Variants in HPSE2 observed in about 807,000 individuals in gnomAD.
The protein encoded by HPSE2 is inactive heparanase-2.
Under a neutral mutation model 60.5 loss-of-function variants are expected in HPSE2, and 38 were observed. The observed-to-expected ratio is 0.63, with a 90% CI of 0.48 to 0.82. The LOEUF is 0.82. Ranked by LOEUF, HPSE2 falls within the 40% of genes least tolerant of loss-of-function variation. The probability of loss-of-function intolerance (pLI) is 0.00; values close to 1 mark genes in which losing one functional copy is unlikely to be tolerated. For synonymous variants in HPSE2, 295 were observed against 293.2 expected, an observed-to-expected ratio of 1.01 and a Z score of -0.06; for missense variants, 713 against 740.4, an observed-to-expected ratio of 0.96 and a Z score of 0.43.
At chr10:98,800,391 CATAAAT>C (rs1252417183) in intron 3 of HPSE2, among the ~76,000 whole-genome samples, 5 of 147,048 alleles carry the variant, frequency 3.4e-5, no homozygotes, top group Non-Finnish European at 7.5e-5. Flanking sequence ...AAAATATATA[CATAAAT>C]ATATATTTAT....
rs545432862 is a variant in HPSE2 at position 98,763,114 on chromosome 10, ATAAACT to A, written c.611-19064_611-19059del. ...CAAAAATGACAGAAGAAAAAAATCA[ATAAACT>A]TAAAGATAAAACAGGAGAAATATAC... On this transcript the variant is annotated intron_variant, in intron 3 of 11. Transcript: ENST00000370552. Among the ~76,000 whole-genome samples, 525 of 152,234 alleles carry A rather than the reference ATAAACT, an allele frequency of 3.4e-3. 1 individual carries two copies. Among genetic ancestry groups the A allele is most frequent in the Non-Finnish European group, 6.2e-3 (420 of 67,994 alleles).
intron 9 of HPSE2, among the ~76,000 whole-genome samples, chr10:98,573,162 A>G (rs1944547044): frequency 6.6e-6 from 1 of 152,238 alleles, no homozygotes; most frequent in Admixed American, 6.5e-5. Context: ...AGGATTCACT[A>G]GTGCAAGTAG....
intron 4 of HPSE2, among the ~76,000 whole-genome samples, chr10:98,740,809 C>T: frequency 6.6e-6 from 1 of 151,932 alleles, no homozygotes; most frequent in East Asian, 1.9e-4. Context: ...TACCTCTGTC[C>T]AAAAAGATAA....
At chr10:98,608,058 A>G (rs1945644195) in intron 9 of HPSE2, among the ~76,000 whole-genome samples, 1 of 152,138 alleles carries the variant, frequency 6.6e-6, no homozygotes, top group South Asian at 2.1e-4. Context: ...TGAGGTAGAC[A>G]CTATTATTGT....
intron 3 of HPSE2, among the ~76,000 whole-genome samples, chr10:98,874,042 C>T (rs1952805858): frequency 6.6e-6 from 1 of 152,024 alleles, no homozygotes; most frequent in African/African-American, 2.4e-5. Flanking sequence ...TATCCTTTGC[C>T]TACTTTTTGA....
At chr10:98,938,668 A>C (rs1954888436) in intron 3 of HPSE2, among the ~76,000 whole-genome samples, 1 of 144,044 alleles carries the variant, frequency 6.9e-6, no homozygotes, top group African/African-American at 2.8e-5. Context: ...TCTGCAGGAT[A>C]TTGTCCAGGA....
intron 6 of HPSE2, 26 bp downstream of exon 6, chr10:98,693,874 T>A: frequency 6.4e-7 from 1 of 1,574,538 alleles, no homozygotes. Context: ...TGATAATAAG[T>A]AAGAGCAAAA....
At chr10:98,708,266 C>T (rs188726019) in intron 5 of HPSE2, among the ~76,000 whole-genome samples, 4 of 152,004 alleles carry the variant, frequency 2.6e-5, no homozygotes, top group African/African-American at 9.7e-5. Context: ...ACTATCCTCA[C>T]TAACAATGTG....
chr10:99,092,612 T>C (rs907605493), intron 3 of HPSE2, among the ~76,000 whole-genome samples: 4 of 152,194 alleles, frequency 2.6e-5, no homozygotes, highest in Non-Finnish European at 4.4e-5. Context: ...GGATACAGCA[T>C]GGTACAGCAT....
intron 3 of HPSE2, among the ~76,000 whole-genome samples, chr10:98,934,647 C>CT (rs1954739330): frequency 6.9e-6 from 1 of 144,288 alleles, no homozygotes; most frequent in Non-Finnish European, 1.5e-5. Flanking sequence ...CAGAGGTCCA[C>CT]TGTTAGTGTC....
intron 3 of HPSE2, among the ~76,000 whole-genome samples, chr10:98,921,836 C>G (rs2135065628): frequency 6.6e-6 from 1 of 152,226 alleles, no homozygotes; most frequent in South Asian, 2.1e-4. Flanking sequence ...GTTCTGTCAC[C>G]TACACTCTTG....
chr10:98,804,740 A>G (rs1171341006), intron 3 of HPSE2, among the ~76,000 whole-genome samples: 1 of 151,706 alleles, frequency 6.6e-6, no homozygotes, highest in Non-Finnish European at 1.5e-5. Context: ...TCAGAAAACT[A>G]AAAATAGAGC....
At chr10:99,151,450 A>G (rs1482203609) in intron 2 of HPSE2, among the ~76,000 whole-genome samples, 1 of 152,180 alleles carries the variant, frequency 6.6e-6, no homozygotes, top group African/African-American at 2.4e-5. Context: ...GACCAAAAAC[A>G]TTCAAAATTT....
chr10:98,982,601 C>T (rs1469952292), intron 3 of HPSE2, among the ~76,000 whole-genome samples: 3 of 151,882 alleles, frequency 2.0e-5, no homozygotes, highest in African/African-American at 7.3e-5. Flanking sequence ...GGCAAAGTTG[C>T]CAGTAAGTAA....
intron 3 of HPSE2, among the ~76,000 whole-genome samples, chr10:98,860,012 A>C (rs1399417404): frequency 6.6e-6 from 1 of 152,188 alleles, no homozygotes; most frequent in African/African-American, 2.4e-5. Context: ...CTAATTTATA[A>C]ATTAAACTTT....
chr10:98,480,524 G>T (rs1941195674), intron 11 of HPSE2, among the ~76,000 whole-genome samples: 2 of 152,170 alleles, frequency 1.3e-5, no homozygotes, highest in South Asian at 4.1e-4. Flanking sequence ...AAAGACAGGG[G>T]TTAAGGTATG....
At chr10:98,863,053 T>C (rs1047676994) in intron 3 of HPSE2, among the ~76,000 whole-genome samples, 4 of 152,164 alleles carry the variant, frequency 2.6e-5, no homozygotes, top group African/African-American at 9.7e-5. Flanking sequence ...CGTGAGCCAC[T>C]GTGCAAGGCC....
chr10:98,887,263 G>T (rs1953192207), intron 3 of HPSE2, among the ~76,000 whole-genome samples: 1 of 151,952 alleles, frequency 6.6e-6, no homozygotes, highest in Admixed American at 6.6e-5. Context: ...ATTTCCTCAG[G>T]TCATTAACCT....
intron 3 of HPSE2, among the ~76,000 whole-genome samples, chr10:98,876,859 A>G (rs949438163): frequency 3.3e-5 from 5 of 151,874 alleles, no homozygotes. Flanking sequence ...CTACTTTTCT[A>G]TGAATTCCAA....
Sources: allele counts gnomAD v4.1 joint callset (sites outside exome capture counted in the v4.1 genomes callset), GRCh38; gene constraint gnomAD v4.1.1; transcripts MANE v1.5; gene names NCBI Gene and HGNC (gene_info 2026-07-23, HGNC 2026-07-21).